Variants in ANKS1B observed in about 807,000 individuals in gnomAD.
The protein encoded by ANKS1B is ankyrin repeat and sterile alpha motif domain containing 1B.
A neutral mutation model predicts 148.3 loss-of-function variants in ANKS1B; 36 were observed. That is an observed-to-expected ratio of 0.24 (90% CI 0.19 to 0.32). The LOEUF (loss-of-function observed/expected upper bound fraction) is 0.32, where lower values mean the gene tolerates loss of function less well. Ranked by LOEUF, ANKS1B falls within the 10% of genes least tolerant of loss-of-function variation. The pLI, the probability that ANKS1B is intolerant of heterozygous loss-of-function variation, is 1.00. For synonymous variants in ANKS1B, 542 were observed against 560.8 expected, an observed-to-expected ratio of 0.97 and a Z score of 0.47; for missense variants, 1,157 against 1,542.6, an observed-to-expected ratio of 0.75 and a Z score of 4.19.
At chr12:99,728,089 GAAAA>G (rs2058786087) in intron 8 of ANKS1B, among the ~76,000 whole-genome samples, 1 of 152,010 alleles carries the variant, frequency 6.6e-6, no homozygotes, top group Non-Finnish European at 1.5e-5. Context: ...ACTTCATGAT[GAAAA>G]CACCAAAAGC....
chr12:99,251,352 C>T (rs1419051889), intron 12 of ANKS1B, among the ~76,000 whole-genome samples: 1 of 152,082 alleles, frequency 6.6e-6, no homozygotes, highest in Non-Finnish European at 1.5e-5. Context: ...ACATAATAAT[C>T]ATGTGGGATT....
chr12:99,772,186 C>T, intron 8 of ANKS1B, among the ~76,000 whole-genome samples: 1 of 152,030 alleles, frequency 6.6e-6, no homozygotes, highest in Non-Finnish European at 1.5e-5. Context: ...ATATAAAAAT[C>T]CAAATGAGTG....
At chr12:98,759,523 T>C (rs541956009) in intron 25 of ANKS1B, among the ~76,000 whole-genome samples, 121 of 152,278 alleles carry the variant, frequency 7.9e-4, no homozygotes, top group African/African-American at 2.7e-3. Context: ...AATTGCATCA[T>C]AGATGGTGGG....
intron 9 of ANKS1B, among the ~76,000 whole-genome samples, chr12:99,600,673 A>G (rs1189698058): frequency 6.6e-6 from 1 of 152,018 alleles, no homozygotes; most frequent in Non-Finnish European, 1.5e-5. Flanking sequence ...CTGCCAAGAC[A>G]CACAGTTAGC....
At chr12:99,636,595 AT>A (rs1490656317) in intron 9 of ANKS1B, among the ~76,000 whole-genome samples, 4 of 152,062 alleles carry the variant, frequency 2.6e-5, no homozygotes, top group South Asian at 2.1e-4. Context: ...AAACCAGAAA[AT>A]TTTTTTTAAA....
At chr12:99,575,462 G>C (rs1420918891) in intron 9 of ANKS1B, among the ~76,000 whole-genome samples, 1 of 151,990 alleles carries the variant, frequency 6.6e-6, no homozygotes, top group Non-Finnish European at 1.5e-5. Context: ...ACATACCCAA[G>C]ACTGGGTAAT....
At chr12:98,770,542 G>A (rs2098552186) in intron 25 of ANKS1B, among the ~76,000 whole-genome samples, 1 of 152,036 alleles carries the variant, frequency 6.6e-6, no homozygotes, top group Non-Finnish European at 1.5e-5. Context: ...GCAGGGCTTT[G>A]CTTTGCAGTC....
At chr12:99,298,161 T>TA (rs2081150767) in intron 12 of ANKS1B, among the ~76,000 whole-genome samples, 1 of 152,230 alleles carries the variant, frequency 6.6e-6, no homozygotes, top group Non-Finnish European at 1.5e-5. Flanking sequence ...TAACAACTAA[T>TA]AATTCATGGT....
At chr12:99,960,693 G>C (rs2095398458) in intron 1 of ANKS1B, among the ~76,000 whole-genome samples, 1 of 152,124 alleles carries the variant, frequency 6.6e-6, no homozygotes, top group Non-Finnish European at 1.5e-5. Flanking sequence ...AGTCAACTAA[G>C]GGTTTGCGAA....
At chr12:99,844,347 T>G (rs547708302) in intron 1 of ANKS1B, among the ~76,000 whole-genome samples, 1 of 152,306 alleles carries the variant, frequency 6.6e-6, no homozygotes, top group South Asian at 2.1e-4. Flanking sequence ...TGCCTAGGTT[T>G]TCTTCCAGGG....
At chr12:99,009,106 T>C (rs1165342380) in intron 17 of ANKS1B, among the ~76,000 whole-genome samples, 1 of 152,160 alleles carries the variant, frequency 6.6e-6, no homozygotes, top group Non-Finnish European at 1.5e-5. Context: ...TGTCATTCCT[T>C]ATGGAGGAAT....
chr12:98,888,426 G>C (rs1177596249), intron 17 of ANKS1B, among the ~76,000 whole-genome samples: 1 of 152,054 alleles, frequency 6.6e-6, no homozygotes, highest in Non-Finnish European at 1.5e-5. Context: ...CCTAGCCCTG[G>C]TATTACCCAG....
intron 9 of ANKS1B, among the ~76,000 whole-genome samples, chr12:99,620,773 C>A (rs532445360): frequency 7.2e-5 from 11 of 152,066 alleles, no homozygotes; most frequent in African/African-American, 2.7e-4. Context: ...AGTGACCAAA[C>A]CCATGAATTA....
intron 12 of ANKS1B, among the ~76,000 whole-genome samples, chr12:99,308,926 A>T (rs947444587): frequency 6.7e-6 from 1 of 149,368 alleles, no homozygotes; most frequent in Non-Finnish European, 1.5e-5. Flanking sequence ...ACTATATATA[A>T]CATATATGTT....
At chr12:99,467,482 A>G (rs953059260) in intron 10 of ANKS1B, among the ~76,000 whole-genome samples, 2 of 152,200 alleles carry the variant, frequency 1.3e-5, no homozygotes, top group African/African-American at 4.8e-5. Context: ...TCGATTAGGA[A>G]AAGAGGAAGT....
chr12:98,840,540 T>C (rs1033882932), intron 17 of ANKS1B, among the ~76,000 whole-genome samples: 4 of 152,146 alleles, frequency 2.6e-5, no homozygotes, highest in African/African-American at 9.7e-5. Context: ...TCTCATTAAA[T>C]AGGAAATACT....
intron 17 of ANKS1B, among the ~76,000 whole-genome samples, chr12:99,035,107 T>G (rs2099954699): frequency 6.6e-6 from 1 of 152,168 alleles, no homozygotes; most frequent in Non-Finnish European, 1.5e-5. Context: ...GACCTTCTCC[T>G]GCCCTCCTGT....
intron 17 of ANKS1B, among the ~76,000 whole-genome samples, chr12:98,955,979 G>A (rs7972603): frequency 0.14 from 21,572 of 152,144 alleles, 2,539 homozygotes; most frequent in African/African-American, 0.33. Context: ...ATGTGACATT[G>A]GAAATCAGAC....
intron 12 of ANKS1B, among the ~76,000 whole-genome samples, chr12:99,396,679 G>A (rs1481554272): frequency 1.3e-5 from 2 of 152,146 alleles, no homozygotes; most frequent in African/African-American, 2.4e-5. Flanking sequence ...GCTTCTGGTG[G>A]TCAGTTTCAG....
Sources: allele counts gnomAD v4.1 joint callset (sites outside exome capture counted in the v4.1 genomes callset), GRCh38; gene constraint gnomAD v4.1.1; transcripts MANE v1.5; gene names NCBI Gene and HGNC (gene_info 2026-07-23, HGNC 2026-07-21).